SOCS7: variants seen among roughly 807,000 people sequenced by gnomAD.
SOCS7 encodes suppressor of cytokine signaling 7.
SOCS7 carries 18 observed loss-of-function variants against 58.9 expected under a neutral mutation model. The observed-to-expected ratio is 0.31, with a 90% CI of 0.21 to 0.45. The LOEUF is 0.45. Ranked by LOEUF, SOCS7 falls within the 20% of genes least tolerant of loss-of-function variation. The pLI, the probability that SOCS7 is intolerant of heterozygous loss-of-function variation, is 1.00. For synonymous variants in SOCS7, 388 were observed against 364.3 expected, an observed-to-expected ratio of 1.06 and a Z score of -0.74; for missense variants, 667 against 837.3, an observed-to-expected ratio of 0.80 and a Z score of 2.51.
In SOCS7 at chr17:38,364,792, G is replaced by C; in HGVS notation, c.1086G>C (p.Arg362=). The change falls in exon 3 of 10, where the codon CGG becomes CGC. Residue 362 remains arginine (R), a synonymous_variant. Transcript: ENST00000612932. ...TTGTGGATGTGGACATTTCTCAGCG[G>C]GGCCTGACCTCTCCACACCCTCCAA... ...VSLVDVDISQ[R]GLTSPHPPTP... The C allele has an allele frequency of 1.2e-6, 2 of 1,613,962 alleles. No homozygotes were observed. The highest frequency in any genetic ancestry group is 1.1e-5 in the South Asian group (1 of 91,060).
intron 6 of SOCS7, among the ~76,000 whole-genome samples, chr17:38,371,767 T>G (rs1348676019): frequency 2.0e-5 from 3 of 150,134 alleles, no homozygotes; most frequent in South Asian, 2.1e-4. Flanking sequence ...TTTTTTTTTT[T>G]TTTTTTTTTT....
At chr17:38,391,969 T>C (rs1210731595) in intron 7 of SOCS7, among the ~76,000 whole-genome samples, 1 of 152,188 alleles carries the variant, frequency 6.6e-6, no homozygotes, top group African/African-American at 2.4e-5. Context: ...CGAAAAATAG[T>C]GCATGGCTAG....
At chr17:38,366,672 A>G (rs2037794458) in intron 5 of SOCS7, among the ~76,000 whole-genome samples, 1 of 152,020 alleles carries the variant, frequency 6.6e-6, no homozygotes, top group African/African-American at 2.4e-5. Flanking sequence ...ATTTATTTAT[A>G]TTTTTTGTAG....
intron 9 of SOCS7, 53 bp downstream of exon 9, chr17:38,396,051 A>C: frequency 6.9e-7 from 1 of 1,452,312 alleles, no homozygotes; most frequent in South Asian, 1.4e-5. Context: ...GGCAGTCATC[A>C]TCATGCATTG....
intron 1 of SOCS7, among the ~76,000 whole-genome samples, chr17:38,360,881 C>A (rs1555567473): frequency 6.6e-6 from 1 of 152,230 alleles, no homozygotes; most frequent in African/African-American, 2.4e-5. Flanking sequence ...TTCAGTAATT[C>A]TGAGGTGAGT....
At chr17:38,377,985 T>C (rs2037953383) in intron 7 of SOCS7, 143 bp downstream of exon 7, 3 of 712,574 alleles carry the variant, frequency 4.2e-6, no homozygotes, top group African/African-American at 3.6e-5. Flanking sequence ...CAGAGTCCCA[T>C]GGTTAATCCC....
At chr17:38,364,677 T>G (rs1555568025) in intron 2 of SOCS7, 75 bp from the exon 3 acceptor site, 1 of 1,251,852 alleles carries the variant, frequency 8.0e-7, no homozygotes, top group East Asian at 2.3e-5. Context: ...CTGCTTGCCC[T>G]TTGCTTCCCT....
chr17:38,361,603 A>G (rs1555567578), intron 1 of SOCS7, 108 bp from the exon 2 acceptor site: 1 of 831,088 alleles, frequency 1.2e-6, no homozygotes, highest in African/African-American at 1.7e-5. Context: ...GACAACGACT[A>G]GGGTTTGCTT....
intron 7 of SOCS7, among the ~76,000 whole-genome samples, chr17:38,380,295 T>A (rs921069257): frequency 6.6e-6 from 1 of 152,142 alleles, no homozygotes; most frequent in African/African-American, 2.4e-5. Flanking sequence ...TATATTGACA[T>A]TTTTACAACA....
At chr17:38,361,641 G>A in intron 1 of SOCS7, 70 bp from the exon 2 acceptor site, 1 of 1,169,310 alleles carries the variant, frequency 8.6e-7, no homozygotes, top group Non-Finnish European at 1.3e-6. Flanking sequence ...GGAACTGAGT[G>A]TTGTGGTGAC....
At chr17:38,398,645 G>A (rs1427769349) in intron 9 of SOCS7, among the ~76,000 whole-genome samples, 1 of 152,152 alleles carries the variant, frequency 6.6e-6, no homozygotes, top group Non-Finnish European at 1.5e-5. Context: ...TGGTCTATGT[G>A]TGCTGTTACC....
At position 38,400,960 on chromosome 17, in the gene SOCS7, A is replaced by T; in HGVS notation, c.*1478A>T. ...GACTCCTTTGCGTGTGTTCCATGGG[A>T]CTCTCTTTCTGGGTTCCCCATGCTT... On this transcript the variant is annotated 3_prime_UTR_variant, in exon 10 of 10. Transcript: ENST00000612932. 6.6e-6 allele frequency: 1 copy of T among 151,322 alleles called. No individual in the cohort carries two copies. 9.4% of individuals were successfully genotyped at this position (151,322 alleles called of 1,614,324 possible).
chr17:38,354,722 G>A (rs1176026697), intron 1 of SOCS7, among the ~76,000 whole-genome samples: 4 of 152,102 alleles, frequency 2.6e-5, no homozygotes, highest in African/African-American at 9.7e-5. Flanking sequence ...AGGGGAGGGC[G>A]GGATTAAAGC....
chr17:38,398,728 G>A (rs531347703), intron 9 of SOCS7, among the ~76,000 whole-genome samples: 94 of 152,258 alleles, frequency 6.2e-4, no homozygotes, highest in African/African-American at 2.1e-3. Context: ...GTCTCAAGTC[G>A]GAAGGTGGAA....
At position 38,393,140 on chromosome 17, in the gene SOCS7, A is replaced by G. The variant is rs113140615; in HGVS notation, c.1682-2169A>G. Among the ~76,000 whole-genome samples, 869 of 152,196 alleles carry G rather than the reference A, an allele frequency of 5.7e-3. 6 individuals carry two copies. The highest frequency in any genetic ancestry group is 0.01 in the South Asian group (50 of 4,818). The stretch of plus-strand genomic sequence containing the variant: ...TCTTATCTCCTTGGTCTCCCAAAGT[A>G]CTAGGATTATAGGCGTGTGCCACTG... On this transcript the variant is annotated intron_variant, in intron 7 of 9. Coordinates refer to ENST00000612932, the MANE Select transcript of SOCS7 (RefSeq NM_014598.4).
chr17:38,396,101 C>A, intron 9 of SOCS7, 103 bp downstream of exon 9: 1 of 950,094 alleles, frequency 1.1e-6, no homozygotes, highest in Non-Finnish European at 1.5e-6. Flanking sequence ...ACATGGATAG[C>A]CCCGATCCAG....
At chr17:38,379,759 G>A (rs758157145) in intron 7 of SOCS7, among the ~76,000 whole-genome samples, 6 of 152,190 alleles carry the variant, frequency 3.9e-5, no homozygotes, top group Non-Finnish European at 7.3e-5. Context: ...GTCTTGTGCA[G>A]TTGACTTGCT....
chr17:38,403,764 C>T lies in SOCS7; in HGVS notation c.*4282C>T, dbSNP rs2038354021. ...GTAAGGGAGGAGCTATTGAGTTAGA[C>T]ATTTTCCCTATGGGAATCCTCGGTT... On this transcript the variant is annotated 3_prime_UTR_variant, in exon 10 of 10. Coordinates refer to ENST00000612932, the MANE Select transcript of SOCS7 (RefSeq NM_014598.4). 6.6e-6 allele frequency: 1 copy of T among 152,134 alleles called. No individual in the cohort carries two copies. Among genetic ancestry groups the T allele is most frequent in the South Asian group, 2.1e-4 (1 of 4,830 alleles). The allele number at this position is 152,134 out of a possible 1,614,324, so 9.4% of individuals were successfully genotyped here.
rs1254575942 is a variant in SOCS7 at position 38,387,075 on chromosome 17, C to T, written c.1682-8234C>T. ...TCAGCCTGGGCGACAGAGCGAGACT[C>T]TTATCTTAAAAAAAAAAAAAAAAAA... On this transcript the variant is annotated intron_variant, in intron 7 of 9. Coordinates refer to ENST00000612932, the MANE Select transcript of SOCS7 (RefSeq NM_014598.4). 3.6e-3 allele frequency among the ~76,000 whole-genome samples: 306 copies of T among 85,622 alleles called. 1 individual carries two copies. The highest frequency in any genetic ancestry group is 0.018 in the African/African-American group (279 of 15,864). 56.2% of individuals were successfully genotyped at this position (85,622 alleles called of 152,430 possible). A position where few individuals can be genotyped will look rare whatever the true frequency, so the allele number is the denominator to read the frequency against.
Sources: gnomAD v4.1 joint callset for allele counts (sites outside exome capture counted in the v4.1 genomes callset) on GRCh38, gnomAD v4.1.1 for gene constraint, MANE v1.5 for transcripts, NCBI Gene and HGNC (gene_info 2026-07-23, HGNC 2026-07-21) for gene names.